Variants in SEC24C observed in about 807,000 individuals in gnomAD.
The protein encoded by SEC24C is SEC24 homolog C, COPII component.
In SEC24C, 22 loss-of-function variants were observed where a neutral mutation model predicts 117.0. The ratio of observed to expected loss-of-function variants is 0.19; its 90% CI spans 0.13 to 0.27. The LOEUF (loss-of-function observed/expected upper bound fraction) is 0.27. SEC24C is among the 10% of genes least tolerant of loss of function. The pLI is 1.00. For synonymous variants in SEC24C, 506 were observed against 529.4 expected, an observed-to-expected ratio of 0.96 and a Z score of 0.61; for missense variants, 1,155 against 1,375.1, an observed-to-expected ratio of 0.84 and a Z score of 2.53.
At chr10:73,750,364 G>T (rs1007943429) in intron 2 of SEC24C, among the ~76,000 whole-genome samples, 2 of 152,196 alleles carry the variant, frequency 1.3e-5, no homozygotes, top group Non-Finnish European at 2.9e-5. Flanking sequence ...GTAACTAATT[G>T]CTTTCTCCCT....
At position 73,771,502 on chromosome 10, in the gene SEC24C, C is replaced by T. The variant is rs775235562; in HGVS notation, c.*407C>T. 2.2e-4 allele frequency: 40 copies of T among 180,932 alleles called. No individual in the cohort carries two copies. The highest frequency in any genetic ancestry group is 2.6e-3 in the Middle Eastern group (1 of 382). The allele number at this position is 180,932 out of a possible 1,614,324, so 11.2% of individuals were successfully genotyped here. ...GTTACTACAGGGGGCTCAGTGTCAT[C>T]CACAACTTCCTATATTAGGGATAAA... On this transcript the variant is annotated 3_prime_UTR_variant, in exon 23 of 23. Transcript: ENST00000345254.
At position 73,760,393 on chromosome 10, in the gene SEC24C, CT is replaced by C. The variant is rs768630041; in HGVS notation, c.850+10del. 2 of 1,579,496 alleles carry C rather than the reference CT, an allele frequency of 1.3e-6. No homozygotes were observed. The highest frequency in any genetic ancestry group is 4.5e-5 in the East Asian group (2 of 44,468). Reference sequence around the variant, plus strand: ...TATCAGCCCCAACAAAATGGTGAGTCTTTCCCAAGGTCTGTCTTAGAAGCTA... The same window carrying C: ...TATCAGCCCCAACAAAATGGTGAGTCTTCCCAAGGTCTGTCTTAGAAGCTA... On this transcript the variant is annotated splice_region_variant and intron_variant, in intron 5 of 22. Coordinates refer to ENST00000345254, the MANE Select transcript of SEC24C (RefSeq NM_198597.3).
At chr10:73,745,841 T>C (rs1354129058) in intron 1 of SEC24C, among the ~76,000 whole-genome samples, 2 of 151,998 alleles carry the variant, frequency 1.3e-5, no homozygotes, top group Admixed American at 6.5e-5. Flanking sequence ...TGAGCCACTG[T>C]GCCTGGCCAA....
At position 73,769,806 on chromosome 10, in the gene SEC24C, T is replaced by C. The variant is rs375993299; in HGVS notation, c.2683-30T>C. 12 of 1,613,092 alleles carry C rather than the reference T, an allele frequency of 7.4e-6. No individual in the cohort carries two copies. The highest frequency in any genetic ancestry group is 1.0e-5 in the Non-Finnish European group (12 of 1,179,108). On this transcript the variant is annotated intron_variant, in intron 19 of 22. Coordinates refer to ENST00000345254, the MANE Select transcript of SEC24C (RefSeq NM_198597.3). The surrounding 1 kb of genome is among the most constrained non-coding windows in gnomAD (Gnocchi z 4.5). ...TGCATTTGGGAGGGATTTCTCATGA[T>C]CATTGACTTTATTTTGATAATCCCC...
chr10:73,767,955 C>G lies in SEC24C; in HGVS notation c.2129C>G (p.Ser710Cys), dbSNP rs756375340. The G allele has an allele frequency of 6.2e-7, 1 of 1,613,484 alleles. No homozygotes were observed. The highest frequency in any genetic ancestry group is 2.2e-5 in the East Asian group (1 of 44,860). Reference protein sequence around the residue: ...PNQYVDVATLSVVPQLTGGSV... With the variant: ...PNQYVDVATLCVVPQLTGGSV... ...CAGTATGTGGATGTGGCCACACTCT[C>G]TGTTGTGCCCCAGCTCACTGGTGGC... The change falls in exon 15 of 23, where the codon TCT becomes TGT. Residue 710 changes from serine to cysteine, a missense_variant. Coordinates refer to ENST00000345254, the MANE Select transcript of SEC24C (RefSeq NM_198597.3).
chr10:73,747,974 A>G (rs1312857730), intron 2 of SEC24C, among the ~76,000 whole-genome samples: 2 of 151,090 alleles, frequency 1.3e-5, no homozygotes, highest in African/African-American at 2.4e-5. Flanking sequence ...TTGTATTTTT[A>G]GTAGAGATGG....
intron 3 of SEC24C, 108 bp downstream of exon 3, chr10:73,751,351 A>G: frequency 9.1e-7 from 1 of 1,095,590 alleles, no homozygotes; most frequent in Non-Finnish European, 1.3e-6. Context: ...ACCTGAGGTC[A>G]GGAGTTTGAG....
intron 3 of SEC24C, 34 bp downstream of exon 3, chr10:73,751,277 G>T: frequency 1.3e-6 from 2 of 1,595,268 alleles, no homozygotes; most frequent in Non-Finnish European, 1.7e-6. Context: ...TTGGTCTGAT[G>T]AGGCTGAGTG....
At chr10:73,759,256 T>C (rs1026989272) in intron 3 of SEC24C, among the ~76,000 whole-genome samples, 5 of 152,056 alleles carry the variant, frequency 3.3e-5, no homozygotes, top group Non-Finnish European at 5.9e-5. Context: ...TTATTAAGGT[T>C]CATGCATGCT....
At chr10:73,753,495 C>A (rs2082670587) in intron 3 of SEC24C, among the ~76,000 whole-genome samples, 1 of 152,144 alleles carries the variant, frequency 6.6e-6, no homozygotes. Context: ...TATAGGGAGA[C>A]CCCAATCTCT....
chr10:73,771,102 T>C lies in SEC24C; in HGVS notation c.*7T>C. The C allele has an allele frequency of 6.2e-7, 1 of 1,613,230 alleles. No homozygotes were observed. Among genetic ancestry groups the C allele is most frequent in the East Asian group, 2.2e-5 (1 of 44,868 alleles). On this transcript the variant is annotated 3_prime_UTR_variant, in exon 23 of 23. Coordinates refer to ENST00000345254, the MANE Select transcript of SEC24C (RefSeq NM_198597.3). ...TCGGCAGCTACTGAGCTAAAGCAAG[T>C]GGGTAAATGGCATAGGGCCCAGGCT...
intron 3 of SEC24C, among the ~76,000 whole-genome samples, chr10:73,756,004 A>G (rs1294027966): frequency 1.3e-5 from 2 of 152,000 alleles, no homozygotes; most frequent in African/African-American, 4.8e-5. Context: ...GATGTGGGCC[A>G]CCATGCCCGG....
chr10:73,750,423 G>T (rs1483000898), intron 2 of SEC24C, among the ~76,000 whole-genome samples: 1 of 152,180 alleles, frequency 6.6e-6, no homozygotes, highest in Non-Finnish European at 1.5e-5. Context: ...TAGCTTTGGT[G>T]GTGGTTCTAA....
chr10:73,761,527 GT>G (rs2082796259), intron 6 of SEC24C, among the ~76,000 whole-genome samples: 1 of 152,146 alleles, frequency 6.6e-6, no homozygotes, highest in Non-Finnish European at 1.5e-5. Flanking sequence ...CCACTTTATA[GT>G]TCCACCTGTA....
chr10:73,753,134 C>G (rs895891082), intron 3 of SEC24C, among the ~76,000 whole-genome samples: 3 of 151,956 alleles, frequency 2.0e-5, no homozygotes, highest in Non-Finnish European at 4.4e-5. Context: ...ACTACACTCT[C>G]CAGCTCCTGG....
Position 73,765,835 on chromosome 10 carries a change from G to C in SEC24C, c.1402G>C (p.Gly468Arg). Residue 468 changes from glycine (G) to arginine (R), a missense_variant, in exon 10 of 23, where the codon GGC becomes CGC. Physicochemically the swap from Gly to Arg is moderately radical, Grantham distance 125. This residue lies in a region of SEC24C where 759 missense variants were observed against 992.3 expected (regional missense o/e 0.76). Transcript: ENST00000345254. ...GTATTTTCAGCACCTGGATCATACC[G>C]GCAAACGTGTGGATGCTTATGACCG... ...PQYFQHLDHT[G>R]KRVDAYDRPE... The C allele has an allele frequency of 1.9e-6, 3 of 1,614,118 alleles. No individual in the cohort carries two copies. Among genetic ancestry groups the C allele is most frequent in the Non-Finnish European group, 2.5e-6 (3 of 1,180,024 alleles).
rs1200973433 is a variant in SEC24C, at chr10:73,765,608, G to C, written c.1366+19G>C. The C allele has an allele frequency of 2.5e-6, 4 of 1,609,632 alleles. No homozygotes were observed. The highest frequency in any genetic ancestry group is 1.7e-5 in the Admixed American group (1 of 59,926). Reference sequence around the variant, plus strand: ...AATGATGGTATGTTCATGGAAGCTGGGATTTGGGGGAAGGTCTTGATTGTA... The same window carrying C: ...AATGATGGTATGTTCATGGAAGCTGCGATTTGGGGGAAGGTCTTGATTGTA... On this transcript the variant is annotated intron_variant, in intron 9 of 22. Transcript: ENST00000345254.
At chr10:73,756,527 A>T (rs956370983) in intron 3 of SEC24C, among the ~76,000 whole-genome samples, 1 of 152,238 alleles carries the variant, frequency 6.6e-6, no homozygotes, top group Non-Finnish European at 1.5e-5. Context: ...TGATGGTTGC[A>T]TAACTAAATT....
chr10:73,770,635 A>G, intron 21 of SEC24C, 74 bp from the exon 22 acceptor site: 1 of 1,541,326 alleles, frequency 6.5e-7, no homozygotes, highest in South Asian at 1.1e-5. Context: ...CAGATGATGC[A>G]TACATGTATG....
Sources: allele counts gnomAD v4.1 joint callset (sites outside exome capture counted in the v4.1 genomes callset), GRCh38; gene constraint gnomAD v4.1.1; regional missense constraint gnomAD v4.1.1; non-coding constraint Gnocchi (gnomAD v3.1); transcripts MANE v1.5; gene names NCBI Gene and HGNC (gene_info 2026-07-23, HGNC 2026-07-21).